The following RNF169 variants were observed in gnomAD, a reference collection of about 807,000 sequenced individuals.
The protein encoded by RNF169 is E3 ubiquitin-protein ligase RNF169.
RNF169 carries 24 observed loss-of-function variants against 53.9 expected under a neutral mutation model. The observed-to-expected ratio is 0.45, with a 90% CI of 0.32 to 0.63. RNF169 has a LOEUF of 0.63. Ranked by LOEUF, RNF169 falls within the 20% of genes least tolerant of loss-of-function variation. The probability of loss-of-function intolerance (pLI) is 0.04; values close to 1 mark genes in which losing one functional copy is unlikely to be tolerated. For synonymous variants in RNF169, 396 were observed against 363.5 expected (o/e 1.09, Z -1.02); for missense variants, 883 against 906.2 (o/e 0.97, Z 0.33).
chr11:74,839,427 T>G lies in RNF169; in HGVS notation c.*2697T>G, dbSNP rs924247835. ...TCTCCTTCCATGATTCTGAAGTTGG[T>G]TAAAAGTCGATATGTTGATGTGTAT... is the stretch of plus-strand genomic sequence containing the variant. On this transcript the variant is annotated 3_prime_UTR_variant, in exon 6 of 6. Coordinates refer to ENST00000299563, the MANE Select transcript of RNF169 (RefSeq NM_001098638.2). The G allele has an allele frequency of 2.0e-5, 3 of 152,202 alleles. No individual in the cohort carries two copies. Among genetic ancestry groups the G allele is most frequent in the Admixed American group, 2.0e-4 (3 of 15,276 alleles). 9.4% of individuals were successfully genotyped at this position (152,202 alleles called of 1,614,324 possible).
intron 2 of RNF169, among the ~76,000 whole-genome samples, chr11:74,799,775 T>C (rs1458613601): frequency 6.6e-6 from 1 of 151,910 alleles, no homozygotes; most frequent in Non-Finnish European, 1.5e-5. Flanking sequence ...TAAGCAGAAT[T>C]GTGCATTTCT....
intron 1 of RNF169, among the ~76,000 whole-genome samples, chr11:74,786,816 A>G (rs1565177035): frequency 6.6e-6 from 1 of 152,176 alleles, no homozygotes; most frequent in African/African-American, 2.4e-5. Context: ...AAGGCTCTCA[A>G]CCTTCTAAGT....
chr11:74,757,568 G>A (rs1222833259), intron 1 of RNF169, among the ~76,000 whole-genome samples: 6 of 103,830 alleles, frequency 5.8e-5, no homozygotes, highest in Admixed American at 1.1e-4. Flanking sequence ...CTGAGGAATC[G>A]CCACACTGAC....
intron 1 of RNF169, among the ~76,000 whole-genome samples, chr11:74,753,298 A>G (rs1399601071): frequency 6.6e-6 from 1 of 152,200 alleles, no homozygotes. Context: ...TATGTCTCTC[A>G]TTCTACAGAA....
chr11:74,783,497 T>A (rs897688625), intron 1 of RNF169, among the ~76,000 whole-genome samples: 5 of 152,230 alleles, frequency 3.3e-5, no homozygotes, highest in Admixed American at 6.5e-5. Context: ...AATGCTAAGA[T>A]ATTCAGTATC....
At chr11:74,794,636 T>C (rs1307155741) in intron 2 of RNF169, among the ~76,000 whole-genome samples, 1 of 151,728 alleles carries the variant, frequency 6.6e-6, no homozygotes, top group Non-Finnish European at 1.5e-5. Context: ...AAGGAGGAGG[T>C]GAAGGAACTG....
chr11:74,784,163 T>C (rs1333593137), intron 1 of RNF169, among the ~76,000 whole-genome samples: 2 of 152,198 alleles, frequency 1.3e-5, no homozygotes, highest in Admixed American at 6.5e-5. Context: ...TATACTTTAA[T>C]GGAGATTTAA....
At chr11:74,783,484 A>C (rs549894437) in intron 1 of RNF169, among the ~76,000 whole-genome samples, 110 of 152,362 alleles carry the variant, frequency 7.2e-4, no homozygotes, top group Middle Eastern at 3.4e-3. Flanking sequence ...AGATTCATTT[A>C]TGAATGCTAA....
intron 1 of RNF169, among the ~76,000 whole-genome samples, chr11:74,761,637 G>A (rs1012873724): frequency 1.3e-5 from 2 of 152,008 alleles, no homozygotes; most frequent in Non-Finnish European, 2.9e-5. Flanking sequence ...TTGAATATTG[G>A]CCCCCACTCT....
chr11:74,813,420 G>A (rs1565183603), intron 3 of RNF169, among the ~76,000 whole-genome samples: 3 of 152,144 alleles, frequency 2.0e-5, no homozygotes, highest in African/African-American at 4.8e-5. Context: ...ATTACAATTT[G>A]TTATGGTACA....
chr11:74,782,744 A>ATAAC (rs2035434301), intron 1 of RNF169, among the ~76,000 whole-genome samples: 1 of 152,142 alleles, frequency 6.6e-6, no homozygotes, highest in East Asian at 1.9e-4. Context: ...ACATATTAGT[A>ATAAC]TAACTATATT....
chr11:74,767,952 T>A (rs906036206), intron 1 of RNF169, among the ~76,000 whole-genome samples: 4 of 152,164 alleles, frequency 2.6e-5, no homozygotes. Flanking sequence ...GTCTTGAGAT[T>A]ACAGGTGTGA....
intron 2 of RNF169, among the ~76,000 whole-genome samples, chr11:74,790,475 C>T (rs971799553): frequency 2.0e-5 from 3 of 152,174 alleles, no homozygotes; most frequent in African/African-American, 4.8e-5. Flanking sequence ...CTTGGGGTGT[C>T]GCTTTGCCAG....
chr11:74,838,903 G>A lies in RNF169; in HGVS notation c.*2173G>A, dbSNP rs1003093409. ...TATTGGAAGGCTAGTCTTGTTGGTA[G>A]GAGCAAAGACACTTATTTTTCCACT... On this transcript the variant is annotated 3_prime_UTR_variant, in exon 6 of 6. Coordinates refer to ENST00000299563, the MANE Select transcript of RNF169 (RefSeq NM_001098638.2). The A allele has an allele frequency of 6.6e-6, 1 of 152,056 alleles. No homozygotes were observed. Among genetic ancestry groups the A allele is most frequent in the Non-Finnish European group, 1.5e-5 (1 of 68,020 alleles). 9.4% of individuals were successfully genotyped at this position (152,056 alleles called of 1,614,324 possible).
rs144173371 is a variant in RNF169 at position 74,750,695 on chromosome 11, C to G, written c.502+1313C>G. Reference sequence around the variant, plus strand: ...TCACTGCAGCCTCTGTGCACCACCCCTTCAGGTTCAAGCGATTCTCCTGCC... The same window carrying G: ...TCACTGCAGCCTCTGTGCACCACCCGTTCAGGTTCAAGCGATTCTCCTGCC... On this transcript the variant is annotated intron_variant, in intron 1 of 5. Coordinates refer to ENST00000299563, the MANE Select transcript of RNF169 (RefSeq NM_001098638.2). 8.7e-3 allele frequency among the ~76,000 whole-genome samples: 1,288 copies of G among 147,656 alleles called. 24 individuals are homozygous for G. The highest frequency in any genetic ancestry group is 0.031 in the African/African-American group (1,213 of 39,462).
intron 1 of RNF169, among the ~76,000 whole-genome samples, chr11:74,755,875 A>T (rs183053954): frequency 6.6e-6 from 1 of 152,334 alleles, no homozygotes; most frequent in Admixed American, 6.5e-5. Flanking sequence ...CATGAAGGCC[A>T]TTGTGTATTA....
At chr11:74,758,992 TG>T (rs2035032791) in intron 1 of RNF169, among the ~76,000 whole-genome samples, 1 of 151,004 alleles carries the variant, frequency 6.6e-6, no homozygotes, top group African/African-American at 2.4e-5. Flanking sequence ...CCTTGAGCAG[TG>T]GTTTGTGGTT....
chr11:74,768,312 A>C (rs2035205703), intron 1 of RNF169, among the ~76,000 whole-genome samples: 1 of 152,218 alleles, frequency 6.6e-6, no homozygotes, highest in Non-Finnish European at 1.5e-5. Context: ...CATATGCAAA[A>C]AATTATTTGT....
rs1195357768 is a variant in RNF169 at position 74,836,288 on chromosome 11, C to T, written c.1685C>T (p.Thr562Ile). Reference protein sequence around the residue: ...GSTPDAKLDKTCISRAMKITT... With the variant: ...GSTPDAKLDKICISRAMKITT... Reference sequence around the variant, plus strand: ...ACTCCAGATGCCAAGTTAGACAAAACCTGTATAAGCAGAGCCATGAAAATC... The same window carrying T: ...ACTCCAGATGCCAAGTTAGACAAAATCTGTATAAGCAGAGCCATGAAAATC... Residue 562 changes from threonine to isoleucine, a missense_variant, in exon 6 of 6, where the codon ACC (threonine) becomes ATC (isoleucine). Coordinates refer to ENST00000299563, the MANE Select transcript of RNF169 (RefSeq NM_001098638.2). 2 of 1,614,054 alleles carry T rather than the reference C, an allele frequency of 1.2e-6. No homozygotes were observed. The highest frequency in any genetic ancestry group is 2.2e-5 in the East Asian group (1 of 44,896).
Sources: allele counts gnomAD v4.1 joint callset (sites outside exome capture counted in the v4.1 genomes callset), GRCh38; gene constraint gnomAD v4.1.1; transcripts MANE v1.5; gene names NCBI Gene and HGNC (gene_info 2026-07-23, HGNC 2026-07-21).